The following CNST variants were observed in gnomAD, a reference collection of about 807,000 sequenced individuals.
CNST encodes the protein consortin, connexin sorting protein, also known as consortin.
A neutral mutation model predicts 72.4 loss-of-function variants in CNST; 39 were observed. The observed-to-expected ratio is 0.54, with a 90% CI of 0.42 to 0.70. The LOEUF (loss-of-function observed/expected upper bound fraction) is 0.70, where lower values mean the gene tolerates loss of function less well. Ranked by LOEUF, CNST falls within the 30% of genes least tolerant of loss-of-function variation. The pLI is 0.00. For missense variants in CNST, 871 were observed against 868.5 expected (o/e 1.00, Z -0.04); for synonymous variants, 332 against 320.1 (o/e 1.04, Z -0.40).
intron 2 of CNST, chr1:246,608,149 T>A (rs1452578628): frequency 1.3e-5 from 2 of 151,846 alleles, no homozygotes; most frequent in Admixed American, 1.3e-4. Flanking sequence ...AGAGAACCTG[T>A]CTCTACAAAA....
At chr1:246,639,501 G>A (rs1195858239) in intron 6 of CNST, among the ~76,000 whole-genome samples, 2 of 152,084 alleles carry the variant, frequency 1.3e-5, no homozygotes, top group African/African-American at 2.4e-5. Flanking sequence ...CTAGGCCTAG[G>A]TAGGTGACTG....
intron 1 of CNST, among the ~76,000 whole-genome samples, chr1:246,573,312 T>C (rs766644256): frequency 1.8e-4 from 28 of 152,218 alleles, no homozygotes; most frequent in Non-Finnish European, 3.4e-4. Flanking sequence ...TCATGTAATA[T>C]AGGTCTTGTG....
intron 2 of CNST, among the ~76,000 whole-genome samples, chr1:246,616,770 G>A (rs1316654239): frequency 6.6e-6 from 1 of 151,452 alleles, no homozygotes; most frequent in Non-Finnish European, 1.5e-5. Context: ...GGCCAGGATG[G>A]TCTCAATCTC....
At chr1:246,659,408 C>G (rs999189344) in intron 9 of CNST, among the ~76,000 whole-genome samples, 5 of 152,276 alleles carry the variant, frequency 3.3e-5, no homozygotes, top group African/African-American at 1.2e-4. Context: ...TCCTGGCTAA[C>G]TCGGTGAAAC....
chr1:246,594,205 G>A (rs1661731339), intron 2 of CNST, among the ~76,000 whole-genome samples: 1 of 152,024 alleles, frequency 6.6e-6, no homozygotes, highest in African/African-American at 2.4e-5. Flanking sequence ...TTTAGAGACA[G>A]GATCATGCTA....
At chr1:246,613,762 C>T (rs1041543405) in intron 2 of CNST, among the ~76,000 whole-genome samples, 5 of 139,646 alleles carry the variant, frequency 3.6e-5, no homozygotes, top group Middle Eastern at 3.6e-3. Context: ...AGCCTGATCT[C>T]GGCTCCCTGC....
chr1:246,646,863 T>C (rs1666114156), intron 8 of CNST, among the ~76,000 whole-genome samples: 5 of 152,216 alleles, frequency 3.3e-5, no homozygotes. Context: ...CAGAATATCT[T>C]TTAAACCTTT....
At chr1:246,660,093 C>T (rs1667005254) in intron 9 of CNST, 106 bp from the exon 10 acceptor site, 10 of 835,114 alleles carry the variant, frequency 1.2e-5, no homozygotes, top group South Asian at 6.2e-5. Context: ...AATTGGATAC[C>T]CCTGTAATAA....
chr1:246,661,986 G>A (rs907447131), intron 10 of CNST, among the ~76,000 whole-genome samples: 1 of 152,078 alleles, frequency 6.6e-6, no homozygotes, highest in African/African-American at 2.4e-5. Flanking sequence ...GAGGAACCCC[G>A]GATTTGAAAC....
At chr1:246,569,281 GAT>G (rs2102996902) in intron 1 of CNST, among the ~76,000 whole-genome samples, 1 of 152,114 alleles carries the variant, frequency 6.6e-6, no homozygotes, top group Admixed American at 6.5e-5. Flanking sequence ...TTTAAAATGA[GAT>G]ATTTTACATT....
intron 2 of CNST, among the ~76,000 whole-genome samples, chr1:246,618,665 G>T (rs1302379329): frequency 6.6e-6 from 1 of 152,064 alleles, no homozygotes; most frequent in Admixed American, 6.5e-5. Flanking sequence ...CTGCTGTTAG[G>T]TTTCATGAAT....
At chr1:246,637,349 G>C (rs542609792) in intron 6 of CNST, among the ~76,000 whole-genome samples, 18 of 152,346 alleles carry the variant, frequency 1.2e-4, no homozygotes, top group African/African-American at 4.3e-4. Flanking sequence ...CTGCAAGACA[G>C]TTATGTTGAG....
rs1393288884 is a variant in CNST, at chr1:246,641,761, C to G, written c.831C>G (p.Ser277=). 1 of 1,361,140 alleles carries G rather than the reference C, an allele frequency of 7.3e-7. No individual in the cohort carries two copies. Among genetic ancestry groups the G allele is most frequent in the Non-Finnish European group, 1.0e-6 (1 of 962,112 alleles). The allele number at this position is 1,361,140 out of a possible 1,614,324, so 84.3% of individuals were successfully genotyped here. ...TTTTTTCCTACAGTCCTCTTTTATCCAAACATAAGGTAAGAGATTGTTTCT... is the reference window on the plus strand; with the variant it reads ...TTTTTTCCTACAGTCCTCTTTTATCGAAACATAAGGTAAGAGATTGTTTCT... ...ICATHQDPLL[S]KHKIAAVEKS... is the part of the protein sequence containing the mutation. The change falls in exon 7 of 11, where the codon TCC becomes TCG. Residue 277 remains serine (S), a synonymous_variant. Transcript: ENST00000366513.
At chr1:246,578,968 G>A (rs1421612400) in intron 1 of CNST, among the ~76,000 whole-genome samples, 1 of 152,128 alleles carries the variant, frequency 6.6e-6, no homozygotes, top group Admixed American at 6.5e-5. Context: ...CTACCTAATA[G>A]GACTGTTGTG....
intron 4 of CNST, chr1:246,632,225 T>G: frequency 3.6e-6 from 1 of 279,076 alleles, no homozygotes; most frequent in Non-Finnish European, 6.7e-6. Flanking sequence ...ATTATTTTTA[T>G]GTACAGAACA....
intron 1 of CNST, among the ~76,000 whole-genome samples, chr1:246,569,645 G>A (rs3124073): frequency 0.11 from 16,962 of 152,070 alleles, 1,273 homozygotes; most frequent in Middle Eastern, 0.2. Context: ...TGGCAGTCCC[G>A]GAGCCCTGAA....
chr1:246,602,166 C>T (rs1329491027), intron 2 of CNST, among the ~76,000 whole-genome samples: 2 of 152,058 alleles, frequency 1.3e-5, no homozygotes, highest in African/African-American at 2.4e-5. Flanking sequence ...AAAGTACAAA[C>T]GTCAGAGGAA....
chr1:246,606,747 C>T (rs1662860958), intron 2 of CNST: 1 of 151,948 alleles, frequency 6.6e-6, no homozygotes, highest in Non-Finnish European at 1.5e-5. Context: ...CCTTTAAGGA[C>T]CGTTTTTCTC....
Position 246,634,488 on chromosome 1 carries a change from CTG to C in CNST, c.722_723del (p.Val241AlafsTer16), listed in dbSNP as rs1466657512. ...TTAAATTTAGAAACAAAATGGAAAA[CTG>C]TGCAACCACATACAGTTACGGCTCT... On this transcript the variant is annotated frameshift_variant, in exon 6 of 11. Transcript: ENST00000366513. LOFTEE classifies it high-confidence loss of function. The C allele has an allele frequency of 1.9e-6, 3 of 1,577,792 alleles. No homozygotes were observed. Among genetic ancestry groups the C allele is most frequent in the Non-Finnish European group, 2.6e-6 (3 of 1,169,442 alleles).
Sources: allele counts gnomAD v4.1 joint callset (sites outside exome capture counted in the v4.1 genomes callset), GRCh38; gene constraint gnomAD v4.1.1; transcripts MANE v1.5; gene names NCBI Gene and HGNC (gene_info 2026-07-23, HGNC 2026-07-21).